Variants in BTBD1 observed in about 807,000 individuals in gnomAD.
BTBD1 encodes BTB domain containing 1, also known as BTB/POZ domain-containing protein 1.
Under a neutral mutation model 48.0 loss-of-function variants are expected in BTBD1, and 34 were observed. The ratio of observed to expected loss-of-function variants is 0.71; its 90% CI spans 0.54 to 0.94. BTBD1 has a LOEUF of 0.94. BTBD1 is among the 40% of genes least tolerant of loss of function. The probability of loss-of-function intolerance (pLI) is 0.00; values close to 1 mark genes in which losing one functional copy is unlikely to be tolerated. For missense variants in BTBD1, 543 were observed against 625.6 expected, an observed-to-expected ratio of 0.87 and a Z score of 1.41; for synonymous variants, 261 against 242.1, an observed-to-expected ratio of 1.08 and a Z score of -0.72.
chr15:83,051,224 T>C (rs144770097), intron 2 of BTBD1, among the ~76,000 whole-genome samples: 4 of 152,278 alleles, frequency 2.6e-5, no homozygotes, highest in African/African-American at 9.6e-5. Context: ...GGTATTATGT[T>C]GGCTTGGGCA....
chr15:83,059,057 G>GTA lies in BTBD1; in HGVS notation c.402-2514_402-2513dup, dbSNP rs549336039. Among the ~76,000 whole-genome samples, 136 of 152,262 alleles carry GTA rather than the reference G, an allele frequency of 8.9e-4. 1 individual carries two copies. Among genetic ancestry groups the GTA allele is most frequent in the African/African-American group, 3.2e-3 (135 of 41,540 alleles). On this transcript the variant is annotated intron_variant, in intron 1 of 7. Transcript: ENST00000261721. ...TATCAAGGAACATTTTTTAAAACAA[G>GTA]TATGTATCTGAAGACACAGACTGAA...
At chr15:83,020,584 A>G (rs759425104) in intron 6 of BTBD1, 91 bp downstream of exon 6, 335 of 845,428 alleles carry the variant, frequency 4.0e-4, no homozygotes, top group Non-Finnish European at 5.8e-4. Flanking sequence ...TTTGACAATT[A>G]TATTGAAATT....
intron 3 of BTBD1, among the ~76,000 whole-genome samples, chr15:83,042,348 TTATATATATATATATATA>T (rs61294242): frequency 9.1e-6 from 1 of 109,896 alleles, no homozygotes; most frequent in Non-Finnish European, 1.8e-5. Context: ...TTAGGCAATT[TTATATATATATATATATA>T]TATATATATA....
chr15:83,019,831 G>A (rs1186513839), intron 6 of BTBD1, among the ~76,000 whole-genome samples: 2 of 151,102 alleles, frequency 1.3e-5, no homozygotes, highest in African/African-American at 2.4e-5. Context: ...TCCTGACCTC[G>A]TGATCCACCT....
chr15:83,040,712 A>C (rs558949631), intron 4 of BTBD1, among the ~76,000 whole-genome samples: 61 of 151,582 alleles, frequency 4.0e-4, no homozygotes, highest in Middle Eastern at 3.4e-3. Flanking sequence ...AAAAAAAAAA[A>C]AAAAAAAAAC....
At chr15:83,046,946 T>A (rs1319395654) in intron 3 of BTBD1, among the ~76,000 whole-genome samples, 1 of 152,184 alleles carries the variant, frequency 6.6e-6, no homozygotes, top group East Asian at 1.9e-4. Flanking sequence ...GGAAGTGTTA[T>A]TTTAGCCAAG....
chr15:83,020,033 G>T (rs1418007781), intron 6 of BTBD1: 3 of 151,550 alleles, frequency 2.0e-5, no homozygotes, highest in African/African-American at 7.3e-5. Context: ...CCAATGCCTT[G>T]GGAGGCCAAG....
intron 5 of BTBD1, among the ~76,000 whole-genome samples, chr15:83,023,562 T>C (rs899405798): frequency 1.3e-5 from 2 of 152,000 alleles, no homozygotes; most frequent in African/African-American, 4.8e-5. Context: ...TAAAAATTAT[T>C]ATTTGTAGAT....
intron 2 of BTBD1, among the ~76,000 whole-genome samples, chr15:83,050,766 CA>C (rs950819668): frequency 2.0e-5 from 3 of 152,000 alleles, no homozygotes; most frequent in African/African-American, 7.3e-5. Flanking sequence ...GAAACCTAAG[CA>C]AAATTAGGTC....
intron 2 of BTBD1, among the ~76,000 whole-genome samples, 156 bp downstream of exon 2, chr15:83,056,233 T>C (rs968092824): frequency 3.9e-5 from 6 of 152,158 alleles, no homozygotes; most frequent in African/African-American, 1.4e-4. Flanking sequence ...TCTAAAATCT[T>C]ACATATCTGA....
chr15:83,065,656 G>A (rs74028222), intron 1 of BTBD1, among the ~76,000 whole-genome samples: 349 of 152,262 alleles, frequency 2.3e-3, no homozygotes, highest in African/African-American at 7.8e-3. Context: ...AAACAGACAT[G>A]GTCTTCAGTG....
chr15:83,064,656 T>A (rs2033230734), intron 1 of BTBD1, among the ~76,000 whole-genome samples: 1 of 152,046 alleles, frequency 6.6e-6, no homozygotes, highest in Non-Finnish European at 1.5e-5. Flanking sequence ...GTGTTAAAAA[T>A]GCTACCAAGG....
At chr15:83,032,353 C>T (rs1484062036) in intron 4 of BTBD1, among the ~76,000 whole-genome samples, 3 of 151,882 alleles carry the variant, frequency 2.0e-5, no homozygotes, top group African/African-American at 7.3e-5. Flanking sequence ...TTAGAACTAC[C>T]ATTTGATCCA....
Position 83,042,348 on chromosome 15 carries a change from TTATATATA to T in BTBD1, c.665-431_665-424del, listed in dbSNP as rs61294242. ...ACGTGCCAGGTACTATTAGGCAATT[TTATATATA>T]TATATATATATATATATATATGTAT... On this transcript the variant is annotated intron_variant, in intron 3 of 7. Coordinates refer to ENST00000261721, the MANE Select transcript of BTBD1 (RefSeq NM_025238.4). Among the ~76,000 whole-genome samples the T allele has an allele frequency of 8.4e-4, 92 of 109,880 alleles. 6 individuals carry two copies. Among genetic ancestry groups the T allele is most frequent in the African/African-American group, 2.8e-3 (76 of 26,948 alleles). 72.1% of individuals were successfully genotyped at this position (109,880 alleles called of 152,430 possible).
At chr15:83,022,194 T>A (rs1596421202) in intron 5 of BTBD1, 1 of 150,816 alleles carries the variant, frequency 6.6e-6, no homozygotes, top group Non-Finnish European at 1.5e-5. Flanking sequence ...GCAGACACAC[T>A]CCACCATTCC....
At chr15:83,023,206 T>A (rs2032334395) in intron 5 of BTBD1, among the ~76,000 whole-genome samples, 1 of 152,184 alleles carries the variant, frequency 6.6e-6, no homozygotes, top group South Asian at 2.1e-4. Flanking sequence ...ACCAATTCAC[T>A]ATATTTAACT....
chr15:83,023,187 A>T (rs2032334014), intron 5 of BTBD1, among the ~76,000 whole-genome samples: 3 of 152,114 alleles, frequency 2.0e-5, no homozygotes, highest in African/African-American at 7.2e-5. Context: ...TAAAATGGTT[A>T]AAAAAACTAC....
Position 83,018,970 on chromosome 15 carries a change from T to C in BTBD1, c.1144-117A>G, listed in dbSNP as rs1050394787. The C allele has an allele frequency of 3.6e-5, 5 of 139,126 alleles. No homozygotes were observed. In the Admixed American group the frequency reaches 5.1e-4, roughly 14 times the overall value. 8.6% of individuals were successfully genotyped at this position (139,126 alleles called of 1,614,324 possible). ...TGTGTTTTGAGACAGACTCTCACTCTGTTGCCTAGCCTTGGGGGTGGGGGG... is the reference window on the plus strand; with the variant it reads ...TGTGTTTTGAGACAGACTCTCACTCCGTTGCCTAGCCTTGGGGGTGGGGGG... On this transcript the variant is annotated intron_variant, in intron 6 of 7. Transcript: ENST00000261721.
intron 5 of BTBD1, among the ~76,000 whole-genome samples, chr15:83,027,578 A>C (rs1363576453): frequency 6.6e-6 from 1 of 152,160 alleles, no homozygotes; most frequent in Non-Finnish European, 1.5e-5. Context: ...TGAACCAGGA[A>C]AGTAGAGCCT....
Sources: gnomAD v4.1 joint callset for allele counts (sites outside exome capture counted in the v4.1 genomes callset) on GRCh38, gnomAD v4.1.1 for gene constraint, MANE v1.5 for transcripts, NCBI Gene and HGNC (gene_info 2026-07-23, HGNC 2026-07-21) for gene names.